HMCN1: variants seen among roughly 807,000 people sequenced by gnomAD.
The protein encoded by HMCN1 is hemicentin 1.
HMCN1 carries 321 observed loss-of-function variants against 625.9 expected under a neutral mutation model. That is an observed-to-expected ratio of 0.51 (90% confidence interval 0.47 to 0.56). The LOEUF (loss-of-function observed/expected upper bound fraction) is 0.56. Ranked by LOEUF, HMCN1 falls within the 20% of genes least tolerant of loss-of-function variation. The pLI is 0.00. For missense variants in HMCN1, 6,588 were observed against 6,887.3 expected (o/e 0.96, Z 1.54); for synonymous variants, 2,425 against 2,417.6 (o/e 1.00, Z -0.09).
intron 2 of HMCN1, among the ~76,000 whole-genome samples, chr1:185,849,423 C>T (rs1662029027): frequency 1.3e-5 from 2 of 152,148 alleles, no homozygotes; most frequent in Non-Finnish European, 2.9e-5. Flanking sequence ...GTTGGGAGTT[C>T]ACATTGAAGG....
In HMCN1 at chr1:185,743,982, GTTTTTTTTTTT is replaced by G. The variant is rs1214723950; in HGVS notation, c.268+8949_268+8959del. On this transcript the variant is annotated intron_variant, in intron 1 of 106. Transcript: ENST00000271588. ...TTCTACTTGATGACTTTACTGTTTT[GTTTTTTTTTTT>G]TTTTTTTTTTTTTGAGACGGAGTCT... Among the ~76,000 whole-genome samples the G allele has an allele frequency of 2.1e-3, 189 of 88,146 alleles. 1 individual carries two copies. Among genetic ancestry groups the G allele is most frequent in the Middle Eastern group, 0.011 (1 of 90 alleles). The allele number at this position is 88,146 out of a possible 152,430, so 57.8% of individuals were successfully genotyped here.
In HMCN1 at chr1:185,743,115, C is replaced by G. The variant is rs528055874; in HGVS notation, c.268+8068C>G. Among the ~76,000 whole-genome samples the G allele has an allele frequency of 2.6e-4, 39 of 152,232 alleles. No homozygotes were observed. The South Asian group carries it at 8.1e-3, about 32-fold the overall frequency. ...GATGGTCTTTATAATTCTGCTTACT[C>G]CTCTTTCTCCCTGACTAGATATTAA... On this transcript the variant is annotated intron_variant, in intron 1 of 106. Transcript: ENST00000271588.
At chr1:185,895,693 C>A (rs1238745878) in intron 4 of HMCN1, among the ~76,000 whole-genome samples, 1 of 152,128 alleles carries the variant, frequency 6.6e-6, no homozygotes, top group African/African-American at 2.4e-5. Flanking sequence ...CCAAATATTT[C>A]TTTTGTGATG....
At chr1:185,856,195 T>C (rs1328626319) in intron 2 of HMCN1, among the ~76,000 whole-genome samples, 3 of 152,152 alleles carry the variant, frequency 2.0e-5, no homozygotes, top group African/African-American at 7.2e-5. Context: ...TGTAAAATTT[T>C]GTTCAGCTTT....
chr1:185,877,355 A>G (rs540563977), intron 4 of HMCN1, among the ~76,000 whole-genome samples: 3 of 94,912 alleles, frequency 3.2e-5, no homozygotes, highest in African/African-American at 4.0e-5. Flanking sequence ...TTTTTTTACC[A>G]GTACCATGCT....
chr1:186,029,139 A>C (rs912180839), intron 36 of HMCN1, among the ~76,000 whole-genome samples: 7 of 151,996 alleles, frequency 4.6e-5, no homozygotes, highest in African/African-American at 1.7e-4. Flanking sequence ...ACTTAATAGA[A>C]GTCTTTCAGA....
intron 28 of HMCN1, 73 bp from the exon 29 acceptor site, chr1:186,003,644 TG>T: frequency 7.1e-7 from 1 of 1,398,956 alleles, no homozygotes. Flanking sequence ...TAGAAATCAT[TG>T]ACTGCTTTCT....
chr1:185,805,282 AT>A (rs1260447091), intron 1 of HMCN1, among the ~76,000 whole-genome samples: 5 of 152,318 alleles, frequency 3.3e-5, no homozygotes, highest in African/African-American at 1.2e-4. Flanking sequence ...TTCCCAAAAT[AT>A]TTTTTATTGG....
intron 30 of HMCN1, among the ~76,000 whole-genome samples, chr1:186,009,273 T>C (rs1004206691): frequency 2.2e-4 from 34 of 152,220 alleles, no homozygotes; most frequent in African/African-American, 7.7e-4. Context: ...ATCCTCTTGT[T>C]CACTCTGTAT....
rs367776519 is a variant in HMCN1 at position 186,038,862 on chromosome 1, C to T, written c.5885C>T (p.Ser1962Leu). The T allele has an allele frequency of 3.7e-5, 60 of 1,603,592 alleles. No homozygotes were observed. Among genetic ancestry groups the T allele is most frequent in the Non-Finnish European group, 5.0e-5 (58 of 1,170,694 alleles). The change falls in exon 38 of 107, where the codon TCA becomes TTA. Residue 1962 changes from serine (S) to leucine (L), a missense_variant. By Grantham distance (145) the Ser-to-Leu change is moderately radical (BLOSUM62 -2). Around this residue, in one of 3 missense-constraint regions of HMCN1, gnomAD observed 4,628 missense variants for 4,853.1 expected, o/e 0.95. Coordinates refer to ENST00000271588, the MANE Select transcript of HMCN1 (RefSeq NM_031935.3). ...ITWYKDNRLL[S>L]GSTSMTFLNR... Reference sequence around the variant, plus strand: ...TGGTACAAAGATAATCGTCTACTCTCAGGTTCCACCAGCATGACTTTCTTG... The same window carrying T: ...TGGTACAAAGATAATCGTCTACTCTTAGGTTCCACCAGCATGACTTTCTTG...
At chr1:186,065,177 C>G in intron 48 of HMCN1, 61 bp from the exon 49 acceptor site, 1 of 1,395,962 alleles carries the variant, frequency 7.2e-7, no homozygotes, top group Non-Finnish European at 1.0e-6. Flanking sequence ...CCTCCTCTTT[C>G]AAAGTTTATT....
chr1:186,053,733 C>A, intron 43 of HMCN1, 92 bp from the exon 44 acceptor site: 1 of 1,320,162 alleles, frequency 7.6e-7, no homozygotes, highest in Non-Finnish European at 1.1e-6. Context: ...CTTTTATATA[C>A]TTGAACTGAA....
chr1:185,923,492 T>A lies in HMCN1; in HGVS notation c.1124T>A (p.Ile375Asn). The A allele has an allele frequency of 1.9e-6, 3 of 1,612,124 alleles. No homozygotes were observed. The highest frequency in any genetic ancestry group is 2.5e-6 in the Non-Finnish European group (3 of 1,178,484). Reference sequence around the variant, plus strand: ...ATCTCAGGAAGTTCTCTTAAGACTATTCCTGTTAAATATTACCCACATCGA... The same window carrying A: ...ATCTCAGGAAGTTCTCTTAAGACTAATCCTGTTAAATATTACCCACATCGA... ...LSISGSSLKT[I>N]PVKYYPHRKP... Residue 375 changes from isoleucine (I) to asparagine (N), a missense_variant, in exon 8 of 107, where the codon ATT (isoleucine) becomes AAT (asparagine). Coordinates refer to ENST00000271588, the MANE Select transcript of HMCN1 (RefSeq NM_031935.3).
intron 64 of HMCN1, among the ~76,000 whole-genome samples, chr1:186,092,758 A>G (rs1172042553): frequency 6.6e-6 from 1 of 152,072 alleles, no homozygotes; most frequent in Non-Finnish European, 1.5e-5. Context: ...GTTTATAACT[A>G]TATTAAGTTG....
chr1:186,052,075 A>G (rs930175385), intron 42 of HMCN1, among the ~76,000 whole-genome samples: 1 of 152,020 alleles, frequency 6.6e-6, no homozygotes, highest in Admixed American at 6.6e-5. Flanking sequence ...TTAGTATGAA[A>G]AGTGTAAGAA....
chr1:186,122,344 TAC>T (rs1165963510), intron 80 of HMCN1, among the ~76,000 whole-genome samples: 5 of 152,190 alleles, frequency 3.3e-5, no homozygotes, highest in African/African-American at 9.6e-5. Flanking sequence ...TCCAGGCTAA[TAC>T]CTAAGTGGTG....
rs1553256293 is a variant in HMCN1 at position 185,902,405 on chromosome 1, C to CTCTGTCTA, written c.622-6929_622-6928insGTCTATCT. ...TCTATCTATCTATCTATCTATCTAT[C>CTCTGTCTA]TCTATCTATCTATCTATCTATCTAT... On this transcript the variant is annotated intron_variant, in intron 4 of 106. Coordinates refer to ENST00000271588, the MANE Select transcript of HMCN1 (RefSeq NM_031935.3). Among the ~76,000 whole-genome samples the CTCTGTCTA allele has an allele frequency of 4.4e-3, 640 of 145,450 alleles. 2 individuals are homozygous for CTCTGTCTA. Among genetic ancestry groups the CTCTGTCTA allele is most frequent in the African/African-American group, 0.016 (613 of 38,600 alleles).
At chr1:185,896,227 C>G (rs1004438848) in intron 4 of HMCN1, among the ~76,000 whole-genome samples, 19 of 152,184 alleles carry the variant, frequency 1.2e-4, no homozygotes, top group African/African-American at 4.1e-4. Context: ...TGAGCCACCG[C>G]GCCCGGCCAG....
At chr1:186,038,802 G>T in intron 37 of HMCN1, 27 bp from the exon 38 acceptor site, 1 of 1,481,450 alleles carries the variant, frequency 6.8e-7, no homozygotes, top group South Asian at 1.1e-5. Flanking sequence ...TTTTTACATA[G>T]ATCATCTTCT....
Sources: gnomAD v4.1 joint callset for allele counts (sites outside exome capture counted in the v4.1 genomes callset) on GRCh38, gnomAD v4.1.1 for gene constraint, gnomAD v4.1.1 regional missense constraint, MANE v1.5 for transcripts, NCBI Gene and HGNC (gene_info 2026-07-23, HGNC 2026-07-21) for gene names.